The following STK32A variants were observed in gnomAD, a reference collection of about 807,000 sequenced individuals.
STK32A encodes serine/threonine-protein kinase 32A.
In STK32A, 41 loss-of-function variants were observed where a neutral mutation model predicts 53.2. The observed-to-expected ratio is 0.77, with a 90% CI of 0.60 to 1.00. The LOEUF (loss-of-function observed/expected upper bound fraction) is 1.00, where lower values mean the gene tolerates loss of function less well. STK32A is among the 50% of genes least tolerant of loss of function. The pLI is 0.00. For synonymous variants in STK32A, 166 were observed against 162.8 expected (o/e 1.02, Z -0.15); for missense variants, 458 against 485.8 (o/e 0.94, Z 0.54).
chr5:147,290,324 A>T (rs1752541532), intron 4 of STK32A, among the ~76,000 whole-genome samples: 1 of 152,104 alleles, frequency 6.6e-6, no homozygotes, highest in Admixed American at 6.6e-5. Context: ...ATAAAATTCA[A>T]CCTGACTTGC....
chr5:147,257,981 C>A (rs1268724303), intron 2 of STK32A, among the ~76,000 whole-genome samples: 7 of 151,764 alleles, frequency 4.6e-5, no homozygotes, highest in African/African-American at 1.7e-4. Context: ...CCAAAGAAGG[C>A]CAAACACCAT....
chr5:147,308,058 T>C (rs1242755239), intron 4 of STK32A, among the ~76,000 whole-genome samples: 3 of 152,074 alleles, frequency 2.0e-5, no homozygotes, highest in African/African-American at 7.2e-5. Context: ...CTGGTATGTA[T>C]ATTGGGTACA....
At chr5:147,378,179 T>C (rs1236944361) in intron 11 of STK32A, among the ~76,000 whole-genome samples, 2 of 152,252 alleles carry the variant, frequency 1.3e-5, no homozygotes, top group East Asian at 1.9e-4. Flanking sequence ...GTTAATGCTA[T>C]GGTTAGATAC....
chr5:147,401,548 C>G, the STK32A span: 7 of 1,612,086 alleles, frequency 4.3e-6, no homozygotes, highest in Non-Finnish European at 5.1e-6. Flanking sequence ...ACCTGGCCAG[C>G]AAGGAGTTGA....
At chr5:147,354,094 G>T (rs1040460494) in intron 7 of STK32A, among the ~76,000 whole-genome samples, 1 of 151,844 alleles carries the variant, frequency 6.6e-6, no homozygotes, top group Non-Finnish European at 1.5e-5. Flanking sequence ...AAAAAAAAAT[G>T]AGCCTTATTT....
chr5:147,330,567 A>T (rs1181759218), intron 5 of STK32A, among the ~76,000 whole-genome samples: 1 of 152,228 alleles, frequency 6.6e-6, no homozygotes, highest in Non-Finnish European at 1.5e-5. Flanking sequence ...ACTGCATCAC[A>T]GTTCCATACC....
At chr5:147,397,609 T>C in the STK32A span, 3 of 1,557,178 alleles carry the variant, frequency 1.9e-6, no homozygotes, top group Admixed American at 1.7e-5. Flanking sequence ...TTACTATCTC[T>C]GAGCGTGAGT....
intron 2 of STK32A, among the ~76,000 whole-genome samples, chr5:147,258,588 G>C (rs1277311299): frequency 6.6e-6 from 1 of 151,670 alleles, no homozygotes; most frequent in Non-Finnish European, 1.5e-5. Context: ...TCAACTTTCT[G>C]ACTTGTTGTA....
intron 4 of STK32A, among the ~76,000 whole-genome samples, chr5:147,301,922 A>C (rs1753158245): frequency 6.6e-6 from 1 of 152,142 alleles, no homozygotes; most frequent in South Asian, 2.1e-4. Context: ...CAAAGCCAGC[A>C]GCATACTATC....
At chr5:147,264,993 G>C (rs914297669) in intron 2 of STK32A, among the ~76,000 whole-genome samples, 1 of 151,574 alleles carries the variant, frequency 6.6e-6, no homozygotes, top group African/African-American at 2.4e-5. Flanking sequence ...GACTGAAATA[G>C]AGCAAAATAT....
At position 147,308,361 on chromosome 5, in the gene STK32A, A is replaced by G. The variant is rs1753524984; in HGVS notation, c.261-15537A>G. On this transcript the variant is annotated intron_variant, in intron 4 of 12. Transcript: ENST00000397936. ...TTTCTTGCTAGTTTGATGCTTATAT[A>G]CTAAAATACAATTGATTATTAATAT... 2.0e-5 allele frequency among the ~76,000 whole-genome samples: 3 copies of G among 152,084 alleles called. No individual in the cohort carries two copies. In the South Asian group the frequency reaches 6.2e-4, roughly 31 times the overall value.
At chr5:147,259,711 TTC>T (rs1006237919) in intron 2 of STK32A, among the ~76,000 whole-genome samples, 34 of 152,086 alleles carry the variant, frequency 2.2e-4, no homozygotes, top group African/African-American at 5.6e-4. Context: ...CTCTCTGACT[TTC>T]TGTCTCTTTC....
At chr5:147,390,792 A>C (rs1247674759), downstream of STK32A, 5 of 152,664 alleles carry the variant, frequency 3.3e-5, no homozygotes, top group African/African-American at 1.2e-4. Flanking sequence ...ACAAAGAAGA[A>C]GACTGGAGAA....
At chr5:147,263,009 T>A (rs1200078900) in intron 2 of STK32A, among the ~76,000 whole-genome samples, 1 of 151,466 alleles carries the variant, frequency 6.6e-6, no homozygotes, top group East Asian at 1.9e-4. Context: ...CAAAAAAAAA[T>A]TCTCCACTCC....
intron 2 of STK32A, among the ~76,000 whole-genome samples, chr5:147,248,737 T>G (rs1163325622): frequency 6.6e-6 from 1 of 152,138 alleles, no homozygotes; most frequent in African/African-American, 2.4e-5. Flanking sequence ...CAGGAATGGA[T>G]AAATCCCAGA....
chr5:147,372,952 TTAG>T (rs1020335688), intron 9 of STK32A, among the ~76,000 whole-genome samples: 5 of 152,156 alleles, frequency 3.3e-5, no homozygotes, highest in African/African-American at 1.2e-4. Context: ...TATATTTGAC[TTAG>T]TAGGACAAGC....
intron 11 of STK32A, 130 bp downstream of exon 11, chr5:147,375,348 C>A: frequency 1.6e-6 from 2 of 1,238,826 alleles, no homozygotes; most frequent in Non-Finnish European, 2.2e-6. Context: ...AGAAGTAGAT[C>A]AGCCGGGTTT....
At position 147,375,206 on chromosome 5, in the gene STK32A, C is replaced by G; in HGVS notation, c.1020C>G (p.Cys340Trp). ...LAKKEKDMRK[C>W]DSSQTCLLQE... ...AGAAGGAGAAGGATATGAGGAAATG[C>G]GATTCTTCTCAGGTAAGCAGGTCCC... The change falls in exon 11 of 13, where the codon TGC (cysteine) becomes TGG (tryptophan). Residue 340 changes from cysteine to tryptophan, a missense_variant. Transcript: ENST00000397936. 6.2e-7 allele frequency: 1 copy of G among 1,610,396 alleles called. No homozygotes were observed.
At chr5:147,307,151 T>C (rs1383121428) in intron 4 of STK32A, among the ~76,000 whole-genome samples, 5 of 152,104 alleles carry the variant, frequency 3.3e-5, no homozygotes, top group African/African-American at 4.8e-5. Context: ...GAATGAGCTG[T>C]GAAACTTCAC....
Sources: allele counts gnomAD v4.1 joint callset (sites outside exome capture counted in the v4.1 genomes callset), GRCh38; gene constraint gnomAD v4.1.1; transcripts MANE v1.5; gene names NCBI Gene and HGNC (gene_info 2026-07-23, HGNC 2026-07-21).